The following HAS2 variants were observed in gnomAD, a reference collection of about 807,000 sequenced individuals.
HAS2 encodes HA synthase 2.
A neutral mutation model predicts 51.6 loss-of-function variants in HAS2; 16 were observed. The observed-to-expected ratio is 0.31, with a 90% CI of 0.21 to 0.47. HAS2 has a LOEUF of 0.47. Ranked by LOEUF, HAS2 falls within the 20% of genes least tolerant of loss-of-function variation. HAS2 has a pLI of 1.00. For synonymous variants in HAS2, 228 were observed against 235.5 expected, an observed-to-expected ratio of 0.97 and a Z score of 0.29; for missense variants, 361 against 662.6, an observed-to-expected ratio of 0.54 and a Z score of 5.00.
intron 1 of HAS2, among the ~76,000 whole-genome samples, chr8:121,632,742 T>A (rs1203920142): frequency 6.9e-6 from 1 of 145,432 alleles, no homozygotes; most frequent in African/African-American, 2.5e-5. Context: ...TTACTCATCA[T>A]CATCATCATC....
At chr8:121,627,466 T>C (rs988550672) in intron 2 of HAS2, among the ~76,000 whole-genome samples, 1 of 152,160 alleles carries the variant, frequency 6.6e-6, no homozygotes, top group African/African-American at 2.4e-5. Flanking sequence ...CTGAAATTAG[T>C]CATATGGTGG....
intron 2 of HAS2, 88 bp from the exon 3 acceptor site, chr8:121,617,294 G>C: frequency 1.4e-6 from 1 of 719,218 alleles, no homozygotes; most frequent in Non-Finnish European, 2.4e-6. Flanking sequence ...TACATACTGT[G>C]TCCTCATCTT....
Position 121,641,436 on chromosome 8 carries a change from G to C in HAS2, c.-584C>G, listed in dbSNP as rs909355321. ...CCTTCTGCCTCCTCCAACTTAAGGG[G>C]GTCTTAACAAGTGAGCTGGTGGGTG... On this transcript the variant is annotated 5_prime_UTR_variant, in exon 1 of 4. Transcript: ENST00000303924. 2.0e-5 allele frequency: 3 copies of C among 151,886 alleles called. No individual in the cohort carries two copies. The highest frequency in any genetic ancestry group is 7.3e-5 in the African/African-American group (3 of 41,238). The allele number at this position is 151,886 out of a possible 1,614,324, so 9.4% of individuals were successfully genotyped here. A position where few individuals can be genotyped will look rare whatever the true frequency, so the allele number is the denominator to read the frequency against.
At position 121,616,670 on chromosome 8, in the gene HAS2, A is replaced by C. The variant is rs1189521959; in HGVS notation, c.729+435T>G. Among the ~76,000 whole-genome samples the C allele has an allele frequency of 2.6e-5, 4 of 152,068 alleles. No individual in the cohort carries two copies. The East Asian group carries it at 7.7e-4, about 29-fold the overall frequency. Reference sequence around the variant, plus strand: ...AGGCTGGTCTCGAACTCCTGACCTCAGGTGATCCACCTGCCTCGGCCTCCC... The same window carrying C: ...AGGCTGGTCTCGAACTCCTGACCTCCGGTGATCCACCTGCCTCGGCCTCCC... On this transcript the variant is annotated intron_variant, in intron 3 of 3. Coordinates refer to ENST00000303924, the MANE Select transcript of HAS2 (RefSeq NM_005328.3).
Position 121,641,367 on chromosome 8 carries a change from A to T in HAS2, c.-515T>A, listed in dbSNP as rs1813103010. 6.6e-6 allele frequency: 1 copy of T among 151,734 alleles called. No homozygotes were observed. Among genetic ancestry groups the T allele is most frequent in the Non-Finnish European group, 1.5e-5 (1 of 68,032 alleles). The allele number at this position is 151,734 out of a possible 1,614,324, so 9.4% of individuals were successfully genotyped here. A position where few individuals can be genotyped will look rare whatever the true frequency, so the allele number is the denominator to read the frequency against. On this transcript the variant is annotated 5_prime_UTR_variant, in exon 1 of 4. Transcript: ENST00000303924. ...GGCTGCTCGAAGCCAGGACTGGGTAATTCTTTCCAGACGTCTTGACTTCTC... is the reference window on the plus strand; with the variant it reads ...GGCTGCTCGAAGCCAGGACTGGGTATTTCTTTCCAGACGTCTTGACTTCTC...
chr8:121,616,219 TTTC>T (rs1812698893), intron 3 of HAS2, among the ~76,000 whole-genome samples: 1 of 152,170 alleles, frequency 6.6e-6, no homozygotes, highest in African/African-American at 2.4e-5. Flanking sequence ...TCATTAATTG[TTTC>T]TTCATCAATA....
intron 1 of HAS2, among the ~76,000 whole-genome samples, chr8:121,636,374 C>T (rs898281238): frequency 4.1e-4 from 63 of 152,178 alleles, no homozygotes; most frequent in African/African-American, 1.4e-3. Context: ...TGAACCCTCC[C>T]GACTCCCCCT....
intron 1 of HAS2, among the ~76,000 whole-genome samples, chr8:121,634,723 G>C (rs1812985289): frequency 6.6e-6 from 1 of 150,664 alleles, no homozygotes; most frequent in Non-Finnish European, 1.5e-5. Flanking sequence ...AGACAACCAA[G>C]CCCTTAAGGG....
intron 2 of HAS2, 65 bp downstream of exon 2, chr8:121,628,649 T>C (rs1029716133): frequency 9.6e-6 from 14 of 1,465,650 alleles, no homozygotes; most frequent in South Asian, 1.3e-5. Flanking sequence ...AGCATATGAC[T>C]GGACAGATAC....
intron 2 of HAS2, among the ~76,000 whole-genome samples, chr8:121,627,583 C>T (rs1268019482): frequency 1.3e-5 from 2 of 152,094 alleles, no homozygotes; most frequent in African/African-American, 2.4e-5. Context: ...ATAACTTTTG[C>T]TAAACACTTG....
At chr8:121,623,819 A>T (rs1425998051) in intron 2 of HAS2, among the ~76,000 whole-genome samples, 1 of 152,204 alleles carries the variant, frequency 6.6e-6, no homozygotes, top group Non-Finnish European at 1.5e-5. Context: ...GAAAGATAAA[A>T]ATAAACTTAC....
intron 2 of HAS2, among the ~76,000 whole-genome samples, chr8:121,622,408 C>T (rs759598431): frequency 5.9e-5 from 9 of 152,136 alleles, no homozygotes; most frequent in Non-Finnish European, 1.2e-4. Context: ...TTCTTCACTA[C>T]AGACTCCTTA....
intron 2 of HAS2, among the ~76,000 whole-genome samples, chr8:121,623,906 G>A (rs577686492): frequency 1.3e-5 from 2 of 152,230 alleles, no homozygotes; most frequent in African/African-American, 4.8e-5. Context: ...CCAGTCAAAT[G>A]TCATACGCAG....
chr8:121,620,381 C>T (rs757326376), intron 2 of HAS2, among the ~76,000 whole-genome samples: 2 of 152,104 alleles, frequency 1.3e-5, no homozygotes, highest in East Asian at 1.9e-4. Context: ...ACTATTTAGC[C>T]CTGGATTACA....
chr8:121,616,653 CT>C (rs1405681409), intron 3 of HAS2, among the ~76,000 whole-genome samples: 1 of 151,994 alleles, frequency 6.6e-6, no homozygotes, highest in African/African-American at 2.4e-5. Context: ...TCAGGCTGGT[CT>C]CGAACTCCTG....
At chr8:121,629,802 T>C (rs1812905574) in intron 1 of HAS2, among the ~76,000 whole-genome samples, 1 of 152,170 alleles carries the variant, frequency 6.6e-6, no homozygotes, top group African/African-American at 2.4e-5. Context: ...AAATTTCTCA[T>C]GTGTAATTTA....
intron 1 of HAS2, among the ~76,000 whole-genome samples, chr8:121,636,195 G>A (rs1345405199): frequency 6.6e-6 from 1 of 152,178 alleles, no homozygotes. Flanking sequence ...CAACCACTAG[G>A]TTAAAGTAAA....
Position 121,614,983 on chromosome 8 carries a change from A to G in HAS2, c.785T>C (p.Met262Thr). 1 of 1,613,552 alleles carries G rather than the reference A, an allele frequency of 6.2e-7. No individual in the cohort carries two copies. Among genetic ancestry groups the G allele is most frequent in the Non-Finnish European group, 8.5e-7 (1 of 1,179,478 alleles). Residue 262 changes from methionine to threonine, a missense_variant, in exon 4 of 4, where the codon ATG becomes ACG. By Grantham distance (81) the Met-to-Thr change is moderately conservative. This residue lies in a region of HAS2 where 49 missense variants were observed against 108.3 expected (regional missense o/e 0.45). Coordinates refer to ENST00000303924, the MANE Select transcript of HAS2 (RefSeq NM_005328.3). This position sits in a 1 kb window ranked among gnomAD's most constrained non-coding sequence, Gnocchi z 7.2. Reference sequence around the variant, plus strand: ...ACAGGCCCTTTCTATATTAAAAGCCATCCAATATCTTACACTGCTGAGGAA... The same window carrying G: ...ACAGGCCCTTTCTATATTAAAAGCCGTCCAATATCTTACACTGCTGAGGAA... ...ISFLSSVRYW[M>T]AFNIERACQS...
Position 121,628,729 on chromosome 8 carries a change from A to C in HAS2, c.612T>G (p.Ser204Arg). The stretch of plus-strand genomic sequence containing the variant: ...GGAGACCTACCTGTACATAATCCAC[A>C]CTTCGTCCCAGTGCTCTGAAGGCTG... ...MYTAFRALGR[S>R]VDYVQVCDSD... The change falls in exon 2 of 4, where the codon AGT becomes AGG. Residue 204 changes from serine to arginine, a missense_variant. Physicochemically the swap from Ser to Arg is moderately radical, Grantham distance 110. This residue lies in a region of HAS2 where 49 missense variants were observed against 108.3 expected (regional missense o/e 0.45). Coordinates refer to ENST00000303924, the MANE Select transcript of HAS2 (RefSeq NM_005328.3). The C allele has an allele frequency of 6.2e-7, 1 of 1,613,800 alleles. No individual in the cohort carries two copies. Among genetic ancestry groups the C allele is most frequent in the Non-Finnish European group, 8.5e-7 (1 of 1,179,798 alleles).
Sources: allele counts gnomAD v4.1 joint callset (sites outside exome capture counted in the v4.1 genomes callset), GRCh38; gene constraint gnomAD v4.1.1; regional missense constraint gnomAD v4.1.1; non-coding constraint Gnocchi (gnomAD v3.1); transcripts MANE v1.5; gene names NCBI Gene and HGNC (gene_info 2026-07-23, HGNC 2026-07-21).